Variants in ATAD3B observed in about 807,000 individuals in gnomAD.
ATAD3B encodes the protein ATPase family AAA domain-containing protein 3B.
Under a neutral mutation model 70.2 loss-of-function variants are expected in ATAD3B, and 59 were observed. The observed-to-expected ratio is 0.84, with a 90% confidence interval of 0.68 to 1.04. ATAD3B has a LOEUF of 1.04. ATAD3B is among the 50% of genes least tolerant of loss of function. The pLI is 0.00. For synonymous variants in ATAD3B, 423 were observed against 388.6 expected (o/e 1.09, Z -1.04); for missense variants, 961 against 913.4 (o/e 1.05, Z -0.67).
rs539129104 is a variant in ATAD3B at position 1,497,814 on chromosome 1, C to G, written c.*1997C>G. ...CTGGGAGGGAGAGGTTGCAGTGAGCCGAGATCACGCCACTGCACTCCGGCC... is the reference window on the plus strand; with the variant it reads ...CTGGGAGGGAGAGGTTGCAGTGAGCGGAGATCACGCCACTGCACTCCGGCC... On this transcript the variant is annotated 3_prime_UTR_variant, in exon 16 of 16. Coordinates refer to ENST00000673477, the MANE Select transcript of ATAD3B (RefSeq NM_031921.6). The G allele has an allele frequency of 6.9e-6, 1 of 145,196 alleles. No homozygotes were observed. Among genetic ancestry groups the G allele is most frequent in the Non-Finnish European group, 1.5e-5 (1 of 67,286 alleles). 9.0% of individuals were successfully genotyped at this position (145,196 alleles called of 1,614,324 possible).
chr1:1,480,912 C>T lies in ATAD3B; in HGVS notation c.490C>T (p.Gln164Ter). ...TTTACGGAAGCAGGAGGAGTCCGTGCAGAAGCAGGAAGCCATGCGGCGAGG... is the reference window on the plus strand; with the variant it reads ...TTTACGGAAGCAGGAGGAGTCCGTGTAGAAGCAGGAAGCCATGCGGCGAGG... ...ENLRKQEESV[Q>*]KQEAMRRATV... Residue 164 changes from glutamine to a stop codon, truncating the protein, a stop_gained, in exon 5 of 16, where the codon CAG (glutamine) becomes TAG (stop). Coordinates refer to ENST00000673477, the MANE Select transcript of ATAD3B (RefSeq NM_031921.6). LOFTEE classifies it high-confidence loss of function. The T allele has an allele frequency of 6.3e-7, 1 of 1,593,260 alleles. No homozygotes were observed. Among genetic ancestry groups the T allele is most frequent in the East Asian group, 2.3e-5 (1 of 43,104 alleles).
At chr1:1,475,656 G>A (rs1236025718) in intron 1 of ATAD3B, among the ~76,000 whole-genome samples, 6 of 148,598 alleles carry the variant, frequency 4.0e-5, no homozygotes, top group African/African-American at 1.0e-4. Flanking sequence ...GAGCACCAGC[G>A]CTCGCCCTGC....
chr1:1,496,144 T>C lies in ATAD3B; in HGVS notation c.*327T>C. The C allele has an allele frequency of 9.1e-7, 1 of 1,103,514 alleles. No individual in the cohort carries two copies. The highest frequency in any genetic ancestry group is 1.1e-6 in the Non-Finnish European group (1 of 904,198). 68.4% of individuals were successfully genotyped at this position (1,103,514 alleles called of 1,614,324 possible). ...TGAGGCCGCCCTGTCAGCTGGCCGGTCCAAGCCTGTGGCTGGAGCTGGTGT... is the reference window on the plus strand; with the variant it reads ...TGAGGCCGCCCTGTCAGCTGGCCGGCCCAAGCCTGTGGCTGGAGCTGGTGT... On this transcript the variant is annotated 3_prime_UTR_variant, in exon 16 of 16. Transcript: ENST00000673477.
At chr1:1,502,204 C>G (rs1020990276), downstream of ATAD3B, among the ~76,000 whole-genome samples, 2 of 147,922 alleles carry the variant, frequency 1.4e-5, no homozygotes, top group Non-Finnish European at 3.0e-5. Flanking sequence ...TTTACTCTGG[C>G]TTTTTTTTTC....
chr1:1,482,816 C>G (rs1179450586), intron 7 of ATAD3B: 1 of 763,798 alleles, frequency 1.3e-6, no homozygotes, highest in African/African-American at 1.7e-5. Context: ...CCAGCCTGGG[C>G]CACACGGTGA....
chr1:1,503,419 A>C, the ATAD3B span: 4 of 677,184 alleles, frequency 5.9e-6, no homozygotes, highest in Non-Finnish European at 7.7e-6. Flanking sequence ...GGGATGGGGC[A>C]TCGTCACGCC....
intron 15 of ATAD3B, among the ~76,000 whole-genome samples, chr1:1,494,553 G>A (rs113541864): frequency 0.046 from 6,975 of 151,674 alleles, 409 homozygotes; most frequent in African/African-American, 0.13. Context: ...GGCTCCGGTC[G>A]GTGTCTCCCC....
At position 1,478,221 on chromosome 1, in the gene ATAD3B, T is replaced by A. The variant is rs1639701065; in HGVS notation, c.283-423T>A. The A allele has an allele frequency of 2.8e-5, 13 of 462,588 alleles. No homozygotes were observed. The South Asian group carries it at 3.4e-4, about 12-fold the overall frequency. 28.7% of individuals were successfully genotyped at this position (462,588 alleles called of 1,614,324 possible). The stretch of plus-strand genomic sequence containing the variant: ...CATGTTGTCCAGGTTGGTCTTGAAC[T>A]CCTGACCTCAGGTGATCCAGCCACT... On this transcript the variant is annotated intron_variant, in intron 2 of 15. Coordinates refer to ENST00000673477, the MANE Select transcript of ATAD3B (RefSeq NM_031921.6).
Position 1,490,242 on chromosome 1 carries a change from A to T in ATAD3B, c.1338-15A>T. 6.2e-7 allele frequency: 1 copy of T among 1,606,886 alleles called. No homozygotes were observed. Among genetic ancestry groups the T allele is most frequent in the South Asian group, 1.1e-5 (1 of 90,798 alleles). On this transcript the variant is annotated splice_polypyrimidine_tract_variant and intron_variant, in intron 13 of 15. Coordinates refer to ENST00000673477, the MANE Select transcript of ATAD3B (RefSeq NM_031921.6). ...TGGCAGCCCCAGCGTTTCCTTCCCC[A>T]TCCCTGTCCTACAGATTCATGCTGG... is the stretch of plus-strand genomic sequence containing the variant.
At position 1,495,582 on chromosome 1, in the gene ATAD3B, G is replaced by A. The variant is rs1473825647; in HGVS notation, c.1712G>A (p.Trp571Ter). 70 of 1,613,140 alleles carry A rather than the reference G, an allele frequency of 4.3e-5. 1 individual carries two copies. The highest frequency in any genetic ancestry group is 5.8e-5 in the Non-Finnish European group (68 of 1,179,540). The change falls in exon 16 of 16, where the codon TGG (tryptophan) becomes TAG (stop). Residue 571 changes from tryptophan to a stop codon, truncating the protein, a stop_gained. Coordinates refer to ENST00000673477, the MANE Select transcript of ATAD3B (RefSeq NM_031921.6). LOFTEE classifies it low-confidence loss of function (END_TRUNC). ...AVQQYRQKMR[W>*]LKAEGPGRGV... ...CAGCAGTACCGACAGAAGATGCGCT[G>A]GCTGAAGGCGGAGGGGCCTGGGCGC...
At chr1:1,498,110 C>G (rs1450627504), downstream of ATAD3B, among the ~76,000 whole-genome samples, 9 of 151,588 alleles carry the variant, frequency 5.9e-5, no homozygotes, top group African/African-American at 2.2e-4. Flanking sequence ...CGAGACCAGC[C>G]CGGCCAATGT....
chr1:1,485,083 G>T lies in ATAD3B; in HGVS notation c.818G>T (p.Arg273Leu), dbSNP rs146192785. ...AAGAATGCGACAGCCGTCACTGGCCGCTTCATCGAGGCTCGGCTGGGGAAG... is the reference window on the plus strand; with the variant it reads ...AAGAATGCGACAGCCGTCACTGGCCTCTTCATCGAGGCTCGGCTGGGGAAG... Reference protein sequence around the residue: ...SAKNATAVTGRFIEARLGKPS... With the variant: ...SAKNATAVTGLFIEARLGKPS... Residue 273 changes from arginine (R) to leucine (L), a missense_variant, in exon 8 of 16, where the codon CGC becomes CTC. Around this residue, in one of 4 missense-constraint regions of ATAD3B, gnomAD observed 349 missense variants for 307.5 expected, o/e 1.14. Transcript: ENST00000673477. The T allele has an allele frequency of 2.5e-6, 4 of 1,609,952 alleles. No individual in the cohort carries two copies. Among genetic ancestry groups the T allele is most frequent in the Admixed American group, 3.3e-5 (2 of 59,774 alleles).
chr1:1,473,507 T>C (rs1314761002), intron 1 of ATAD3B, among the ~76,000 whole-genome samples: 2 of 139,652 alleles, frequency 1.4e-5, no homozygotes, highest in Non-Finnish European at 3.1e-5. Context: ...TGCCACCTTT[T>C]TTTTTTTAAG....
intron 15 of ATAD3B, among the ~76,000 whole-genome samples, chr1:1,494,060 C>T (rs767672628): frequency 2.0e-5 from 3 of 152,016 alleles, no homozygotes; most frequent in Non-Finnish European, 4.4e-5. Context: ...CCTTTTATAG[C>T]TTGAAGATCT....
At chr1:1,493,407 C>T (rs1486500919) in intron 15 of ATAD3B, among the ~76,000 whole-genome samples, 1 of 151,872 alleles carries the variant, frequency 6.6e-6, no homozygotes, top group East Asian at 1.9e-4. Flanking sequence ...AGGGCATGTT[C>T]TTCAATCCTG....
At chr1:1,506,552 C>T in the ATAD3B span, among the ~76,000 whole-genome samples, 5 of 151,972 alleles carry the variant, frequency 3.3e-5, no homozygotes, top group African/African-American at 7.2e-5. Context: ...TGGGCCACGG[C>T]GCCCGGCCAG....
chr1:1,485,138 C>T lies in ATAD3B; in HGVS notation c.873C>T (p.Ile291=), dbSNP rs1411556831. 6.2e-7 allele frequency: 1 copy of T among 1,610,582 alleles called. No homozygotes were observed. Among genetic ancestry groups the T allele is most frequent in the Admixed American group, 1.7e-5 (1 of 59,916 alleles). The change falls in exon 8 of 16, where the codon ATC becomes ATT. Residue 291 remains isoleucine, a synonymous_variant. Transcript: ENST00000673477. The part of the protein sequence containing the change: ...KPSLVRETSR[I]TVLEALRHPI... Reference sequence around the variant, plus strand: ...CCCTAGTGAGGGAGACGTCCCGCATCACGGTGCTGGAGGCGCTGCGGCACC... The same window carrying T: ...CCCTAGTGAGGGAGACGTCCCGCATTACGGTGCTGGAGGCGCTGCGGCACC...
chr1:1,502,416 A>G (rs568987586), downstream of ATAD3B, among the ~76,000 whole-genome samples: 3 of 144,542 alleles, frequency 2.1e-5, no homozygotes, highest in East Asian at 4.2e-4. Flanking sequence ...GGGTTTCACC[A>G]TGTTAGCCAG....
At chr1:1,509,156 G>T in the ATAD3B span, 3 of 1,598,226 alleles carry the variant, frequency 1.9e-6, no homozygotes, top group Non-Finnish European at 1.7e-6. Context: ...TGCATTTGGG[G>T]TGGGGGGTTC....
Sources: allele counts gnomAD v4.1 joint callset (sites outside exome capture counted in the v4.1 genomes callset), GRCh38; gene constraint gnomAD v4.1.1; regional missense constraint gnomAD v4.1.1; transcripts MANE v1.5; gene names NCBI Gene and HGNC (gene_info 2026-07-23, HGNC 2026-07-21).